Variants in LIFR observed in about 807,000 individuals in gnomAD.
The protein encoded by LIFR is LIF receptor subunit alpha, also known as leukemia inhibitory factor receptor.
A neutral mutation model predicts 122.2 loss-of-function variants in LIFR; 84 were observed. The observed-to-expected ratio is 0.69, with a 90% CI of 0.58 to 0.82. The LOEUF (loss-of-function observed/expected upper bound fraction) is 0.82, where lower values mean the gene tolerates loss of function less well. Ranked by LOEUF, LIFR falls within the 40% of genes least tolerant of loss-of-function variation. The pLI is 0.00. For missense variants in LIFR, 1,294 were observed against 1,311.6 expected (o/e 0.99, Z 0.21); for synonymous variants, 422 against 434.7 (o/e 0.97, Z 0.36).
intron 1 of LIFR, among the ~76,000 whole-genome samples, chr5:38,536,807 A>T (rs1747317601): frequency 6.6e-6 from 1 of 152,242 alleles, no homozygotes; most frequent in Non-Finnish European, 1.5e-5. Context: ...CCACTGTATC[A>T]TACTTCAATA....
intron 1 of LIFR, among the ~76,000 whole-genome samples, chr5:38,567,496 G>GCATTTATTTATT (rs1749060566): frequency 7.5e-6 from 1 of 132,882 alleles, no homozygotes; most frequent in Non-Finnish European, 1.6e-5. Flanking sequence ...TGACCATTCT[G>GCATTTATTTATT]TATTTATTTA....
chr5:38,600,539 G>A (rs907148150), intron 2 of LIFR, among the ~76,000 whole-genome samples: 2 of 152,074 alleles, frequency 1.3e-5, no homozygotes, highest in African/African-American at 2.4e-5. Context: ...GTCACCTTCC[G>A]CAATCTCTGT....
chr5:38,514,280 CAT>C (rs1216020195), intron 5 of LIFR, among the ~76,000 whole-genome samples: 3 of 152,052 alleles, frequency 2.0e-5, no homozygotes, highest in African/African-American at 4.8e-5. Flanking sequence ...AGCTGACACA[CAT>C]GTGTTTTTAG....
intron 4 of LIFR, among the ~76,000 whole-genome samples, chr5:38,526,692 C>T (rs1746706752): frequency 6.6e-6 from 1 of 152,138 alleles, no homozygotes; most frequent in Non-Finnish European, 1.5e-5. Flanking sequence ...TATCCCAATA[C>T]TGTTATTCTA....
intron 1 of LIFR, among the ~76,000 whole-genome samples, chr5:38,556,121 C>A (rs916480981): frequency 1.3e-5 from 2 of 152,128 alleles, no homozygotes; most frequent in African/African-American, 4.8e-5. Flanking sequence ...AAGTTCTGGG[C>A]GCTGGAGTCC....
intron 1 of LIFR, among the ~76,000 whole-genome samples, chr5:38,562,423 C>CA (rs1349965806): frequency 1.3e-5 from 2 of 152,184 alleles, no homozygotes; most frequent in African/African-American, 4.8e-5. Context: ...TGACCAGAGT[C>CA]ATTTAGGGAG....
At chr5:38,506,198 T>C in intron 8 of LIFR, 124 bp from the exon 9 acceptor site, 1 of 673,118 alleles carries the variant, frequency 1.5e-6, no homozygotes, top group Non-Finnish European at 2.5e-6. Context: ...GCATATTACA[T>C]ACTCAGAGAA....
Position 38,481,294 on chromosome 5 carries a change from C to T in LIFR, c.*301G>A, listed in dbSNP as rs1380746036. ...TGCGGCGGGATTTGTTTTACATGTA[C>T]GTACAAGTAGGTATTAGCCTTGAAA... is the stretch of plus-strand genomic sequence containing the variant. On this transcript the variant is annotated 3_prime_UTR_variant, in exon 20 of 20. Coordinates refer to ENST00000453190, the MANE Select transcript of LIFR (RefSeq NM_001127671.2). 1 of 445,700 alleles carries T rather than the reference C, an allele frequency of 2.2e-6. No individual in the cohort carries two copies. 27.6% of individuals were successfully genotyped at this position (445,700 alleles called of 1,614,324 possible).
rs1561127030 is a variant in LIFR, at chr5:38,481,730, C to A, written c.3159G>T (p.Glu1053Asp). Reference sequence around the variant, plus strand: ...AGCATGGACTTCCAAATGAGACAATCTCACTGTTGCTGTCTATGGATCTAG... The same window carrying A: ...AGCATGGACTTCCAAATGAGACAATATCACTGTTGCTGTCTATGGATCTAG... ...DSPRSIDSNS[E>D]IVSFGSPCSI... Residue 1053 changes from glutamate to aspartate, a missense_variant, in exon 20 of 20, where the codon GAG becomes GAT. Coordinates refer to ENST00000453190, the MANE Select transcript of LIFR (RefSeq NM_001127671.2). 2 of 1,614,170 alleles carry A rather than the reference C, an allele frequency of 1.2e-6. No individual in the cohort carries two copies. Among genetic ancestry groups the A allele is most frequent in the African/African-American group, 2.7e-5 (2 of 75,042 alleles).
At chr5:38,526,456 T>A (rs1422159110) in intron 4 of LIFR, among the ~76,000 whole-genome samples, 2 of 149,290 alleles carry the variant, frequency 1.3e-5, no homozygotes, top group Non-Finnish European at 3.0e-5. Context: ...TATATATATA[T>A]AAAATCTTGT....
intron 1 of LIFR, among the ~76,000 whole-genome samples, chr5:38,551,491 G>A (rs1177110636): frequency 1.3e-5 from 2 of 152,174 alleles, no homozygotes; most frequent in Admixed American, 1.3e-4. Flanking sequence ...AACAGTCCTC[G>A]GATTCAAGGT....
At chr5:38,590,742 A>G (rs79896463) in intron 1 of LIFR, among the ~76,000 whole-genome samples, 1 of 152,324 alleles carries the variant, frequency 6.6e-6, no homozygotes, top group African/African-American at 2.4e-5. Context: ...AGTCAAGTAG[A>G]TACCATTATT....
Position 38,477,808 on chromosome 5 carries a change from C to T in LIFR, c.*3787G>A, listed in dbSNP as rs1159781602. 1 of 217,704 alleles carries T rather than the reference C, an allele frequency of 4.6e-6. No individual in the cohort carries two copies. Among genetic ancestry groups the T allele is most frequent in the African/African-American group, 2.2e-5 (1 of 44,460 alleles). 13.5% of individuals were successfully genotyped at this position (217,704 alleles called of 1,614,324 possible). On this transcript the variant is annotated 3_prime_UTR_variant, in exon 20 of 20. Transcript: ENST00000453190. The stretch of plus-strand genomic sequence containing the variant: ...TAGTTACTGAGCTTTCACGATGTGC[C>T]TAGTCTTTGTAGCTAATAATCCCAC...
intron 3 of LIFR, among the ~76,000 whole-genome samples, chr5:38,528,420 C>A (rs1038599300): frequency 6.6e-6 from 1 of 152,182 alleles, no homozygotes; most frequent in Admixed American, 6.5e-5. Context: ...TCCTTCCCTG[C>A]CTCTCTGAAG....
intron 17 of LIFR, among the ~76,000 whole-genome samples, chr5:38,485,367 A>G (rs1221444481): frequency 2.6e-5 from 4 of 152,230 alleles, no homozygotes; most frequent in Admixed American, 1.3e-4. Flanking sequence ...GGATAAGCCT[A>G]TGATCGAAGT....
chr5:38,554,181 T>C (rs1748392191), intron 1 of LIFR, among the ~76,000 whole-genome samples: 1 of 152,234 alleles, frequency 6.6e-6, no homozygotes. Context: ...TGTTCCTTCT[T>C]TTCTTTTGTT....
Position 38,504,109 on chromosome 5 carries a change from G to C in LIFR, c.1304C>G (p.Thr435Ser). ...VNITEKVYPH[T>S]PTSFKVKDIN... ...ATCCTTCACTTTGAATGAAGTAGGAGTATGGGGATAAACTGCAAATATAAT... is the reference window on the plus strand; with the variant it reads ...ATCCTTCACTTTGAATGAAGTAGGACTATGGGGATAAACTGCAAATATAAT... The change falls in exon 10 of 20, where the codon ACT becomes AGT. Residue 435 changes from threonine (T) to serine (S), a missense_variant. Physicochemically the swap from Thr to Ser is moderately conservative, Grantham distance 58. Coordinates refer to ENST00000453190, the MANE Select transcript of LIFR (RefSeq NM_001127671.2). The C allele has an allele frequency of 6.4e-7, 1 of 1,570,340 alleles. No homozygotes were observed. The highest frequency in any genetic ancestry group is 8.8e-7 in the Non-Finnish European group (1 of 1,140,652).
At chr5:38,488,511 C>CAATTTTGTACTTGTATTTGTATTTGT (rs1744405945) in intron 16 of LIFR, among the ~76,000 whole-genome samples, 2 of 152,186 alleles carry the variant, frequency 1.3e-5, no homozygotes, top group African/African-American at 4.8e-5. Flanking sequence ...GAAATCTGTA[C>CAATTTTGTACTTGTATTTGTATTTGT]AATTTTGTAT....
chr5:38,576,361 A>G (rs752665269), intron 1 of LIFR, among the ~76,000 whole-genome samples: 14 of 152,128 alleles, frequency 9.2e-5, no homozygotes, highest in Non-Finnish European at 1.5e-4. Flanking sequence ...AAACCTGATC[A>G]TGCCTTTCAA....
Sources: gnomAD v4.1 joint callset for allele counts (sites outside exome capture counted in the v4.1 genomes callset) on GRCh38, gnomAD v4.1.1 for gene constraint, MANE v1.5 for transcripts, NCBI Gene and HGNC (gene_info 2026-07-23, HGNC 2026-07-21) for gene names.